TAFA1: variants seen among roughly 807,000 people sequenced by gnomAD.
TAFA1 encodes chemokine-like protein TAFA-1.
Under a neutral mutation model 18.5 loss-of-function variants are expected in TAFA1, and 4 were observed. The ratio of observed to expected loss-of-function variants is 0.22; its 90% CI spans 0.11 to 0.49. TAFA1 has a LOEUF of 0.49. TAFA1 is among the 20% of genes least tolerant of loss of function. TAFA1 has a pLI of 0.98. For missense variants in TAFA1, 147 were observed against 169.0 expected (o/e 0.87, Z 0.72); for synonymous variants, 56 against 55.2 (o/e 1.01, Z -0.06).
chr3:68,468,817 A>C (rs548034631), intron 3 of TAFA1, among the ~76,000 whole-genome samples: 1 of 152,306 alleles, frequency 6.6e-6, no homozygotes, highest in African/African-American at 2.4e-5. Flanking sequence ...CATTATCAGC[A>C]CTTTTCTATT....
intron 3 of TAFA1, among the ~76,000 whole-genome samples, chr3:68,474,011 A>G (rs953414356): frequency 6.6e-6 from 1 of 151,380 alleles, no homozygotes; most frequent in Non-Finnish European, 1.5e-5. Flanking sequence ...ATTAGCTCAG[A>G]ATCTAGTATT....
chr3:68,327,058 T>C (rs56078511), intron 2 of TAFA1, among the ~76,000 whole-genome samples: 31,003 of 152,144 alleles, frequency 0.2, 3,236 homozygotes, highest in Admixed American at 0.23. Context: ...CTAGTGATAG[T>C]GAATAAGTCT....
In TAFA1 at chr3:68,338,294, A is replaced by G. The variant is rs189699696; in HGVS notation, c.119-78986A>G. On this transcript the variant is annotated intron_variant, in intron 2 of 4. Coordinates refer to ENST00000478136, the MANE Select transcript of TAFA1 (RefSeq NM_213609.4). ...CAAACCTGTATTTAATTCCAAAGCAATTGCCTTTGGCTATGTTCTACAGTC... is the reference window on the plus strand; with the variant it reads ...CAAACCTGTATTTAATTCCAAAGCAGTTGCCTTTGGCTATGTTCTACAGTC... Among the ~76,000 whole-genome samples, 41 of 152,284 alleles carry G rather than the reference A, an allele frequency of 2.7e-4. No individual in the cohort carries two copies. The East Asian group carries it at 6.2e-3, about 23-fold the overall frequency.
chr3:68,492,295 A>G (rs548709464), intron 3 of TAFA1, among the ~76,000 whole-genome samples: 1 of 152,136 alleles, frequency 6.6e-6, no homozygotes, highest in Non-Finnish European at 1.5e-5. Context: ...GACCCATTCT[A>G]TTTCAACCAG....
At chr3:68,406,764 A>T (rs1469603447) in intron 2 of TAFA1, among the ~76,000 whole-genome samples, 1 of 152,204 alleles carries the variant, frequency 6.6e-6, no homozygotes, top group African/African-American at 2.4e-5. Context: ...AATCCATTAC[A>T]TGAGTTCCCT....
intron 2 of TAFA1, among the ~76,000 whole-genome samples, chr3:68,214,215 T>C (rs1399832173): frequency 1.3e-5 from 2 of 152,108 alleles, no homozygotes. Context: ...GCTTTGTCTG[T>C]CCTTTTCATG....
intron 2 of TAFA1, among the ~76,000 whole-genome samples, chr3:68,090,907 T>C (rs1467602238): frequency 6.6e-6 from 1 of 152,156 alleles, no homozygotes; most frequent in Non-Finnish European, 1.5e-5. Context: ...GATTCTCAGC[T>C]AACAAAACAA....
At chr3:68,316,909 T>G (rs2068614452) in intron 2 of TAFA1, among the ~76,000 whole-genome samples, 2 of 152,222 alleles carry the variant, frequency 1.3e-5, no homozygotes, top group Non-Finnish European at 2.9e-5. Context: ...TTTTGGTTAA[T>G]GACAAAAATA....
chr3:68,082,271 T>C (rs1268228014), intron 2 of TAFA1, among the ~76,000 whole-genome samples: 2 of 152,238 alleles, frequency 1.3e-5, no homozygotes, highest in Non-Finnish European at 2.9e-5. Flanking sequence ...AATCACCATC[T>C]TGTGCGTCGC....
At chr3:68,069,939 G>A (rs2064731010) in intron 2 of TAFA1, among the ~76,000 whole-genome samples, 1 of 152,202 alleles carries the variant, frequency 6.6e-6, no homozygotes, top group African/African-American at 2.4e-5. Flanking sequence ...CCTTTGCAGG[G>A]TATGGTCTCC....
intron 2 of TAFA1, chr3:68,145,481 A>G: frequency 1.1e-6 from 1 of 901,846 alleles, no homozygotes; most frequent in Non-Finnish European, 1.9e-6. Context: ...TTCCACCACA[A>G]GAATGGTTCT....
intron 2 of TAFA1, among the ~76,000 whole-genome samples, chr3:68,261,829 A>C (rs1029121506): frequency 6.6e-6 from 1 of 152,112 alleles, no homozygotes; most frequent in Non-Finnish European, 1.5e-5. Context: ...TGACGAGTTA[A>C]TGTGTGCAGC....
intron 2 of TAFA1, among the ~76,000 whole-genome samples, chr3:68,345,402 T>A (rs1390786658): frequency 6.6e-6 from 1 of 152,138 alleles, no homozygotes; most frequent in Non-Finnish European, 1.5e-5. Context: ...CTTCCTTCCA[T>A]AACAGAATGC....
chr3:68,082,238 G>A (rs557990885), intron 2 of TAFA1, among the ~76,000 whole-genome samples: 13 of 152,288 alleles, frequency 8.5e-5, no homozygotes, highest in South Asian at 8.3e-4. Context: ...AGATGAACCC[G>A]GTACCTCAGA....
intron 2 of TAFA1, among the ~76,000 whole-genome samples, chr3:68,368,980 A>T (rs941700175): frequency 4.6e-5 from 7 of 152,250 alleles, no homozygotes; most frequent in African/African-American, 1.7e-4. Flanking sequence ...CATAAAATTT[A>T]TTATGTAGAA....
intron 2 of TAFA1, among the ~76,000 whole-genome samples, chr3:68,016,628 A>T (rs960772838): frequency 1.3e-5 from 2 of 152,096 alleles, no homozygotes; most frequent in African/African-American, 4.8e-5. Flanking sequence ...GTGTAAGTAC[A>T]CTCTGATGTT....
chr3:68,215,844 C>A (rs996731712), intron 2 of TAFA1, among the ~76,000 whole-genome samples: 4 of 152,066 alleles, frequency 2.6e-5, no homozygotes, highest in Non-Finnish European at 5.9e-5. Context: ...TATGTCCACA[C>A]AATAACCCTC....
At chr3:68,460,763 T>C (rs2071761160) in intron 3 of TAFA1, among the ~76,000 whole-genome samples, 1 of 152,236 alleles carries the variant, frequency 6.6e-6, no homozygotes, top group Admixed American at 6.5e-5. Context: ...TCCATAGACC[T>C]GGGCTAGGGC....
At chr3:68,532,134 A>G (rs1334793681) in intron 3 of TAFA1, among the ~76,000 whole-genome samples, 1 of 152,210 alleles carries the variant, frequency 6.6e-6, no homozygotes, top group Non-Finnish European at 1.5e-5. Flanking sequence ...ACATGTACAT[A>G]GACATGGGAG....
Sources: gnomAD v4.1 joint callset for allele counts (sites outside exome capture counted in the v4.1 genomes callset) on GRCh38, gnomAD v4.1.1 for gene constraint, MANE v1.5 for transcripts, NCBI Gene and HGNC (gene_info 2026-07-23, HGNC 2026-07-21) for gene names.